Variants in ZFP90 observed in about 807,000 individuals in gnomAD.
ZFP90 encodes the protein ZFP90 zinc finger protein, also known as zinc finger protein 90 homolog.
A neutral mutation model predicts 60.8 loss-of-function variants in ZFP90; 38 were observed. The observed-to-expected ratio is 0.62, with a 90% confidence interval of 0.48 to 0.82. The LOEUF is 0.82. Ranked by LOEUF, ZFP90 falls within the 40% of genes least tolerant of loss-of-function variation. The pLI, the probability that ZFP90 is intolerant of heterozygous loss-of-function variation, is 0.00. For missense variants in ZFP90, 711 were observed against 759.1 expected (o/e 0.94, Z 0.74); for synonymous variants, 287 against 264.8 (o/e 1.08, Z -0.82).
At chr16:68,552,467 C>T (rs74025197) in intron 2 of ZFP90, among the ~76,000 whole-genome samples, 5,171 of 152,166 alleles carry the variant, frequency 0.034, 277 homozygotes, top group African/African-American at 0.12. Context: ...CAGCCCAGAC[C>T]TGGGGTACGA....
At chr16:68,574,851 G>A (rs1049747483) in intron 2 of ZFP90, among the ~76,000 whole-genome samples, 2 of 148,374 alleles carry the variant, frequency 1.3e-5, no homozygotes, top group Non-Finnish European at 3.0e-5. Context: ...TTGAGCCAGG[G>A]AAGCAGAGGT....
At chr16:68,570,226 A>T (rs1452384810), downstream of ZFP90, among the ~76,000 whole-genome samples, 3 of 152,120 alleles carry the variant, frequency 2.0e-5, no homozygotes, top group Non-Finnish European at 4.4e-5. Flanking sequence ...CTCATCAAAG[A>T]TCCCTGATGG....
intron 2 of ZFP90, among the ~76,000 whole-genome samples, chr16:68,573,143 T>C (rs1297414472): frequency 6.6e-6 from 1 of 152,250 alleles, no homozygotes; most frequent in Non-Finnish European, 1.5e-5. Context: ...GTTCACCCTG[T>C]ACCTGGAGCT....
At chr16:68,537,660 G>A (rs1173915211), upstream of ZFP90, among the ~76,000 whole-genome samples, 1 of 151,818 alleles carries the variant, frequency 6.6e-6, no homozygotes, top group African/African-American at 2.4e-5. Flanking sequence ...CTGCTTCCCG[G>A]GTTCAAACGA....
At position 68,564,201 on chromosome 16, in the gene ZFP90, C is replaced by G. The variant is rs778346123; in HGVS notation, c.1414C>G (p.His472Asp). 1 of 1,614,036 alleles carries G rather than the reference C, an allele frequency of 6.2e-7. No individual in the cohort carries two copies. The highest frequency in any genetic ancestry group is 1.3e-5 in the African/African-American group (1 of 75,008). ...AGACTTTACTGACCATCAGAGGATC[C>G]ATACTGCAGAGAACCCCTATGATTG... The part of the protein sequence containing the change: ...ITDFTDHQRI[H>D]TAENPYDCEQ... The change falls in exon 5 of 5, where the codon CAT (histidine) becomes GAT (aspartate). Residue 472 changes from histidine to aspartate, a missense_variant. Physicochemically the swap from His to Asp is moderately conservative, Grantham distance 81. Around this residue, in one of 5 missense-constraint regions of ZFP90, gnomAD observed 295 missense variants for 274.0 expected, o/e 1.08. Transcript: ENST00000563169.
chr16:68,565,845 C>CTAGCT lies in ZFP90; in HGVS notation c.*1150_*1151insCTTAG, dbSNP rs2091518231. On this transcript the variant is annotated 3_prime_UTR_variant, in exon 5 of 5. Coordinates refer to ENST00000563169, the MANE Select transcript of ZFP90 (RefSeq NM_001305203.2). Reference sequence around the variant, plus strand: ...TTCACCATTAAAAAAATTAACTTGGCTAGGTATGGTGTCTCACACCTGTAA... The same window carrying CTAGCT: ...TTCACCATTAAAAAAATTAACTTGGCTAGCTTAGGTATGGTGTCTCACACCTGTAA... 1.0e-6 allele frequency: 1 copy of CTAGCT among 985,176 alleles called. No individual in the cohort carries two copies. The highest frequency in any genetic ancestry group is 1.7e-5 in the African/African-American group (1 of 57,174). 61.0% of individuals were successfully genotyped at this position (985,176 alleles called of 1,614,324 possible). A position where few individuals can be genotyped will look rare whatever the true frequency, so the allele number is the denominator to read the frequency against.
At chr16:68,535,770 T>C (rs1181982986), upstream of ZFP90, 1 of 152,180 alleles carries the variant, frequency 6.6e-6, no homozygotes, top group Non-Finnish European at 1.5e-5. Context: ...GTTTATTCAT[T>C]TTGTTTGGGT....
In ZFP90 at chr16:68,566,719, A is replaced by T. The variant is rs547042557; in HGVS notation, c.*2021A>T. 9.8e-5 allele frequency: 97 copies of T among 985,448 alleles called. No individual in the cohort carries two copies. In the African/African-American group the frequency reaches 1.6e-3, roughly 16 times the overall value. The allele number at this position is 985,448 out of a possible 1,614,324, so 61.0% of individuals were successfully genotyped here. A position where few individuals can be genotyped will look rare whatever the true frequency, so the allele number is the denominator to read the frequency against. ...ACATAGTTTGACAATGGGTAATTCTACTCAGACCCTCCCTACTGATTGGCT... is the reference window on the plus strand; with the variant it reads ...ACATAGTTTGACAATGGGTAATTCTTCTCAGACCCTCCCTACTGATTGGCT... On this transcript the variant is annotated 3_prime_UTR_variant, in exon 5 of 5. Coordinates refer to ENST00000563169, the MANE Select transcript of ZFP90 (RefSeq NM_001305203.2).
At chr16:68,570,580 A>C (rs753217614), downstream of ZFP90, among the ~76,000 whole-genome samples, 2 of 152,212 alleles carry the variant, frequency 1.3e-5, no homozygotes, top group Non-Finnish European at 2.9e-5. Context: ...TGGTATTTGT[A>C]AATGTCATGG....
Position 68,539,800 on chromosome 16 carries a change from C to G in ZFP90, c.8C>G (p.Pro3Arg), listed in dbSNP as rs375314908. 1.9e-6 allele frequency: 3 copies of G among 1,603,094 alleles called. No homozygotes were observed. The highest frequency in any genetic ancestry group is 8.5e-7 in the Non-Finnish European group (1 of 1,176,466). ...GGCCCTGGCGAGGCAGGAATGGCCCCGAGGCCTCCGACCGCCGCGCCCCAG... is the reference window on the plus strand; with the variant it reads ...GGCCCTGGCGAGGCAGGAATGGCCCGGAGGCCTCCGACCGCCGCGCCCCAG... MA[P>R]RPPTAAPQES... Residue 3 changes from proline to arginine, a missense_variant, in exon 2 of 5, where the codon CCG (proline) becomes CGG (arginine). Physicochemically the swap from Pro to Arg is moderately radical, Grantham distance 103 (BLOSUM62 -2). Coordinates refer to ENST00000563169, the MANE Select transcript of ZFP90 (RefSeq NM_001305203.2).
At chr16:68,556,209 G>A (rs2091342009) in intron 2 of ZFP90, among the ~76,000 whole-genome samples, 2 of 152,116 alleles carry the variant, frequency 1.3e-5, no homozygotes, top group African/African-American at 4.8e-5. Context: ...GCTCAAGGAG[G>A]CCATGGTCAC....
At chr16:68,546,504 CAG>C (rs1299523597) in intron 2 of ZFP90, among the ~76,000 whole-genome samples, 4 of 152,092 alleles carry the variant, frequency 2.6e-5, no homozygotes, top group Admixed American at 2.0e-4. Flanking sequence ...TGGAATCAAA[CAG>C]TATGTTTTGT....
chr16:68,564,842 T>TTTA lies in ZFP90; in HGVS notation c.*146_*147insATT, dbSNP rs2091500625. ...GTGGAGAAAACTGCCAGTAGACAGA[T>TTTA]TTTTTTTTTTTAACATAAAGACACA... On this transcript the variant is annotated 3_prime_UTR_variant, in exon 5 of 5. Coordinates refer to ENST00000563169, the MANE Select transcript of ZFP90 (RefSeq NM_001305203.2). 2 of 873,138 alleles carry TTTA rather than the reference T, an allele frequency of 2.3e-6. No homozygotes were observed. Among genetic ancestry groups the TTTA allele is most frequent in the Non-Finnish European group, 2.9e-6 (2 of 701,390 alleles). 54.1% of individuals were successfully genotyped at this position (873,138 alleles called of 1,614,324 possible).
chr16:68,549,677 T>TAAAAAAAA (rs1223176528), intron 2 of ZFP90, among the ~76,000 whole-genome samples: 1 of 6,526 alleles, frequency 1.5e-4, no homozygotes, highest in African/African-American at 1.6e-3. Flanking sequence ...AGACTCCATC[T>TAAAAAAAA]CAAAAAAAAA....
chr16:68,548,282 A>G (rs2091189001), intron 2 of ZFP90, among the ~76,000 whole-genome samples: 1 of 152,200 alleles, frequency 6.6e-6, no homozygotes, highest in Non-Finnish European at 1.5e-5. Flanking sequence ...GAATTTACCT[A>G]TAAAACATTT....
intron 1 of ZFP90, 33 bp from the exon 2 acceptor site, chr16:68,539,725 G>A: frequency 6.0e-6 from 9 of 1,492,296 alleles, no homozygotes; most frequent in Non-Finnish European, 8.1e-6. Flanking sequence ...CGGTGTTGCA[G>A]CGGGGTGAGT....
At chr16:68,548,458 T>C (rs1048501136) in intron 2 of ZFP90, among the ~76,000 whole-genome samples, 2 of 150,716 alleles carry the variant, frequency 1.3e-5, no homozygotes, top group Admixed American at 6.7e-5. Context: ...TATATTTCAC[T>C]GTTCTGTTTA....
At chr16:68,540,379 T>C (rs997213726) in intron 2 of ZFP90, among the ~76,000 whole-genome samples, 3 of 152,202 alleles carry the variant, frequency 2.0e-5, no homozygotes, top group African/African-American at 7.2e-5. Flanking sequence ...CCAGAGCTTT[T>C]TGTGTCTGTC....
intron 4 of ZFP90, among the ~76,000 whole-genome samples, chr16:68,559,575 A>AT (rs929193852): frequency 1.3e-5 from 2 of 150,212 alleles, no homozygotes; most frequent in African/African-American, 4.9e-5. Flanking sequence ...TAATTAATTA[A>AT]TAATTTTATT....
Sources: gnomAD v4.1 joint callset for allele counts (sites outside exome capture counted in the v4.1 genomes callset) on GRCh38, gnomAD v4.1.1 for gene constraint, gnomAD v4.1.1 regional missense constraint, MANE v1.5 for transcripts, NCBI Gene and HGNC (gene_info 2026-07-23, HGNC 2026-07-21) for gene names.